TRAPPC9: variants seen among roughly 807,000 people sequenced by gnomAD.
TRAPPC9 encodes trafficking protein particle complex subunit 9.
Under a neutral mutation model 124.0 loss-of-function variants are expected in TRAPPC9, and 83 were observed. The ratio of observed to expected loss-of-function variants is 0.67; its 90% CI spans 0.56 to 0.80. The LOEUF (loss-of-function observed/expected upper bound fraction) is 0.80, where lower values mean the gene tolerates loss of function less well. TRAPPC9 is among the 30% of genes least tolerant of loss of function. The pLI is 0.00. For synonymous variants in TRAPPC9, 638 were observed against 617.5 expected, an observed-to-expected ratio of 1.03 and a Z score of -0.49; for missense variants, 1,302 against 1,508.3, an observed-to-expected ratio of 0.86 and a Z score of 2.27.
At chr8:140,080,277 C>T (rs1843739921) in intron 17 of TRAPPC9, among the ~76,000 whole-genome samples, 1 of 152,210 alleles carries the variant, frequency 6.6e-6, no homozygotes, top group Non-Finnish European at 1.5e-5. Flanking sequence ...CTTTCTTTCA[C>T]TTGTGATGCA....
chr8:140,231,263 G>T (rs552136329), intron 16 of TRAPPC9, among the ~76,000 whole-genome samples: 1 of 152,236 alleles, frequency 6.6e-6, no homozygotes, highest in East Asian at 1.9e-4. Context: ...GTGATGCAAG[G>T]ACACTCCCTG....
chr8:140,212,671 T>C (rs2063086712), intron 17 of TRAPPC9, among the ~76,000 whole-genome samples: 1 of 152,078 alleles, frequency 6.6e-6, no homozygotes, highest in Non-Finnish European at 1.5e-5. Flanking sequence ...GAAGGAAGAG[T>C]CTACATAGAT....
chr8:139,934,335 G>C (rs1317281301), intron 19 of TRAPPC9, among the ~76,000 whole-genome samples: 1 of 152,160 alleles, frequency 6.6e-6, no homozygotes, highest in Non-Finnish European at 1.5e-5. Context: ...CACAGCAGGA[G>C]CGTGCACAGG....
At chr8:140,115,784 C>G (rs1227261792) in intron 17 of TRAPPC9, among the ~76,000 whole-genome samples, 1 of 151,954 alleles carries the variant, frequency 6.6e-6, no homozygotes, top group Non-Finnish European at 1.5e-5. Context: ...AAGGCTTGTT[C>G]CACACTTACG....
intron 15 of TRAPPC9, among the ~76,000 whole-genome samples, chr8:140,269,553 AAAAT>A (rs61634673): frequency 0.47 from 52,933 of 113,480 alleles, 9,973 homozygotes; most frequent in East Asian, 0.7. Flanking sequence ...AAAATAAAAT[AAAAT>A]AAATAAATAA....
At chr8:140,457,905 G>A (rs570114903), upstream of TRAPPC9, 2 of 690,060 alleles carry the variant, frequency 2.9e-6, no homozygotes, top group Non-Finnish European at 4.0e-6. Context: ...AGGGAGGGAG[G>A]GGACATGGGG....
intron 21 of TRAPPC9, among the ~76,000 whole-genome samples, chr8:139,786,792 T>TA (rs1324790240): frequency 1.3e-5 from 2 of 152,204 alleles, no homozygotes; most frequent in South Asian, 4.1e-4. Context: ...CAAAGCCAGT[T>TA]AAAAAAACAG....
intron 9 of TRAPPC9, among the ~76,000 whole-genome samples, chr8:140,337,503 G>C (rs1468873093): frequency 1.3e-5 from 2 of 152,212 alleles, no homozygotes; most frequent in Non-Finnish European, 2.9e-5. Context: ...ATGAGCCACA[G>C]ACAGAGAGGA....
At chr8:139,780,053 G>A (rs925603500) in intron 21 of TRAPPC9, among the ~76,000 whole-genome samples, 9 of 152,154 alleles carry the variant, frequency 5.9e-5, no homozygotes, top group African/African-American at 2.2e-4. Context: ...CTATGTTCAT[G>A]GGTAGAAAGA....
At chr8:139,765,572 T>C (rs925095080) in intron 21 of TRAPPC9, among the ~76,000 whole-genome samples, 2 of 152,176 alleles carry the variant, frequency 1.3e-5, no homozygotes, top group Admixed American at 6.5e-5. Context: ...GGAGGGCTTT[T>C]CTTGGTTTCA....
Position 140,252,701 on chromosome 8 carries a change from C to G in TRAPPC9, c.2431+76G>C. The stretch of plus-strand genomic sequence containing the variant: ...CAAGTGAGTTACAAACAGCAAACAG[C>G]AGGCATCAAGGGATGGGGGTTGCTA... On this transcript the variant is annotated intron_variant, in intron 16 of 22. Coordinates refer to ENST00000438773, the MANE Select transcript of TRAPPC9 (RefSeq NM_001160372.4). The surrounding 1 kb of genome is among the most constrained non-coding windows in gnomAD (Gnocchi z 4.2). 6.5e-7 allele frequency: 1 copy of G among 1,549,194 alleles called. No homozygotes were observed. The highest frequency in any genetic ancestry group is 1.1e-5 in the South Asian group (1 of 89,534).
At chr8:140,062,724 T>G (rs1842694443) in intron 17 of TRAPPC9, among the ~76,000 whole-genome samples, 1 of 152,086 alleles carries the variant, frequency 6.6e-6, no homozygotes, top group South Asian at 2.1e-4. Flanking sequence ...CTAACCTTAT[T>G]CACTGCGTCA....
At chr8:139,858,835 A>T (rs1469140206) in intron 21 of TRAPPC9, among the ~76,000 whole-genome samples, 1 of 151,478 alleles carries the variant, frequency 6.6e-6, no homozygotes, top group Non-Finnish European at 1.5e-5. Context: ...GGGGGGGCAC[A>T]GTCTGCACAC....
At chr8:139,737,466 T>TGGGG (rs1818261637) in intron 21 of TRAPPC9, among the ~76,000 whole-genome samples, 3 of 41,370 alleles carry the variant, frequency 7.3e-5, no homozygotes, top group East Asian at 1.1e-3. Context: ...TCATCAGCCC[T>TGGGG]CCCCCCCCCC....
At chr8:139,995,053 C>A (rs1239049365) in intron 18 of TRAPPC9, among the ~76,000 whole-genome samples, 2 of 152,088 alleles carry the variant, frequency 1.3e-5, no homozygotes, top group Non-Finnish European at 2.9e-5. Context: ...GTCTCTCCCA[C>A]TGAATGCAAC....
chr8:140,234,978 T>A (rs2063697717), intron 16 of TRAPPC9, among the ~76,000 whole-genome samples: 1 of 152,220 alleles, frequency 6.6e-6, no homozygotes, highest in Admixed American at 6.5e-5. Context: ...ATTTACAATT[T>A]TTTTTTTCTG....
At position 139,788,791 on chromosome 8, in the gene TRAPPC9, A is replaced by C. The variant is rs1822455801; in HGVS notation, c.3056-56589T>G. Among the ~76,000 whole-genome samples, 1 of 152,190 alleles carries C rather than the reference A, an allele frequency of 6.6e-6. No homozygotes were observed. Among genetic ancestry groups the C allele is most frequent in the Non-Finnish European group, 1.5e-5 (1 of 68,028 alleles). On this transcript the variant is annotated intron_variant, in intron 21 of 22. Coordinates refer to ENST00000438773, the MANE Select transcript of TRAPPC9 (RefSeq NM_001160372.4). The surrounding 1 kb of genome is among the most constrained non-coding windows in gnomAD (Gnocchi z 4.9). Reference sequence around the variant, plus strand: ...CAACTCACTGTGACCCACAAATCACACAACACCCTGGGCCAGCTGCCTTCA... The same window carrying C: ...CAACTCACTGTGACCCACAAATCACCCAACACCCTGGGCCAGCTGCCTTCA...
chr8:140,344,146 A>G (rs932820703), intron 9 of TRAPPC9, among the ~76,000 whole-genome samples: 2 of 152,114 alleles, frequency 1.3e-5, no homozygotes, highest in Non-Finnish European at 2.9e-5. Flanking sequence ...GTTCCCTTGT[A>G]AAGGAGATCC....
At chr8:140,093,874 C>A (rs933584407) in intron 17 of TRAPPC9, among the ~76,000 whole-genome samples, 1 of 152,152 alleles carries the variant, frequency 6.6e-6, no homozygotes, top group Admixed American at 6.5e-5. Context: ...TTCTTTCACC[C>A]TTAGTCATCC....
Sources: allele counts gnomAD v4.1 joint callset (sites outside exome capture counted in the v4.1 genomes callset), GRCh38; gene constraint gnomAD v4.1.1; non-coding constraint Gnocchi (gnomAD v3.1); transcripts MANE v1.5; gene names NCBI Gene and HGNC (gene_info 2026-07-23, HGNC 2026-07-21).